The following SYT2 variants were observed in gnomAD, a reference collection of about 807,000 sequenced individuals.
SYT2 encodes synaptotagmin 2.
SYT2 carries 15 observed loss-of-function variants against 39.9 expected under a neutral mutation model. That is an observed-to-expected ratio of 0.38 (90% CI 0.25 to 0.58). The LOEUF (loss-of-function observed/expected upper bound fraction) is 0.58. Among genes scored for constraint, SYT2 ranks in the 20% least tolerant of loss-of-function variants. The probability of loss-of-function intolerance (pLI) is 0.70; values close to 1 mark genes in which losing one functional copy is unlikely to be tolerated. For synonymous variants in SYT2, 181 were observed against 204.5 expected (o/e 0.89, Z 0.98); for missense variants, 389 against 530.3 (o/e 0.73, Z 2.62).
In SYT2 at chr1:202,596,244, C is replaced by T. The variant is rs1321539418; in HGVS notation, c.*513G>A. The stretch of plus-strand genomic sequence containing the variant: ...AAGAGACACACACACACACACATTC[C>T]AGGAATGAAGAGAAATGCTCAAAGA... On this transcript the variant is annotated 3_prime_UTR_variant, in exon 9 of 9. Coordinates refer to ENST00000367268, the MANE Select transcript of SYT2 (RefSeq NM_177402.5). 2 of 140,814 alleles carry T rather than the reference C, an allele frequency of 1.4e-5. No homozygotes were observed. Among genetic ancestry groups the T allele is most frequent in the African/African-American group, 5.2e-5 (2 of 38,210 alleles). The allele number at this position is 140,814 out of a possible 1,614,324, so 8.7% of individuals were successfully genotyped here. A position where few individuals can be genotyped will look rare whatever the true frequency, so the allele number is the denominator to read the frequency against.
chr1:202,709,652 C>T (rs1483157221), intron 1 of SYT2, among the ~76,000 whole-genome samples: 1 of 152,016 alleles, frequency 6.6e-6, no homozygotes, highest in African/African-American at 2.4e-5. Context: ...GGGAGGGGCG[C>T]CTCCAGCCCC....
intron 1 of SYT2, among the ~76,000 whole-genome samples, chr1:202,703,971 A>G (rs1654185304): frequency 6.6e-6 from 1 of 152,242 alleles, no homozygotes; most frequent in Non-Finnish European, 1.5e-5. Flanking sequence ...AAGTCCTGCC[A>G]GAGTTCTCCA....
rs576144310 is a variant in SYT2, at chr1:202,628,484, G to A, written c.-17-22695C>T. On this transcript the variant is annotated intron_variant, in intron 1 of 8. Coordinates refer to ENST00000367268, the MANE Select transcript of SYT2 (RefSeq NM_177402.5). This position sits in a 1 kb window ranked among gnomAD's most constrained non-coding sequence, Gnocchi z 4.2. The stretch of plus-strand genomic sequence containing the variant: ...CTGGCCAGGCCCCAGGGACAGAGAC[G>A]TGCCCATCACTCTTCAGACAGAGAT... Among the ~76,000 whole-genome samples, 3 of 152,286 alleles carry A rather than the reference G, an allele frequency of 2.0e-5. No homozygotes were observed. Among genetic ancestry groups the A allele is most frequent in the South Asian group, 2.1e-4 (1 of 4,820 alleles).
intron 1 of SYT2, among the ~76,000 whole-genome samples, chr1:202,707,752 A>G (rs1382984537): frequency 6.6e-6 from 1 of 152,222 alleles, no homozygotes; most frequent in Non-Finnish European, 1.5e-5. Flanking sequence ...AGGAGACCCC[A>G]TTGAGATATG....
At chr1:202,675,409 T>A (rs908196617) in intron 1 of SYT2, among the ~76,000 whole-genome samples, 2 of 149,542 alleles carry the variant, frequency 1.3e-5, no homozygotes, top group Non-Finnish European at 3.0e-5. Context: ...TATACACAAT[T>A]GAAAATTATG....
rs140594555 is a variant in SYT2, at chr1:202,671,990, C to G, written c.-18+38268G>C. Among the ~76,000 whole-genome samples, 495 of 152,296 alleles carry G rather than the reference C, an allele frequency of 3.3e-3. 1 individual carries two copies. The highest frequency in any genetic ancestry group is 5.6e-3 in the Non-Finnish European group (378 of 68,016). Reference sequence around the variant, plus strand: ...AACTCAGGCACACAAAGAAACAAGACACCTTGAGAAAGAACTGTCAGGAAC... The same window carrying G: ...AACTCAGGCACACAAAGAAACAAGAGACCTTGAGAAAGAACTGTCAGGAAC... On this transcript the variant is annotated intron_variant, in intron 1 of 8. Transcript: ENST00000367268.
rs112535047 is a variant in SYT2, at chr1:202,620,372, C to G, written c.-17-14583G>C. ...GGAGTACTAGTTAACTGCCTCTGGC[C>G]CCCTTTGCTAGGGAGAACAGCCACA... On this transcript the variant is annotated intron_variant, in intron 1 of 8. Transcript: ENST00000367268. 7.3e-3 allele frequency among the ~76,000 whole-genome samples: 1,108 copies of G among 152,226 alleles called. 15 individuals carry two copies. Among genetic ancestry groups the G allele is most frequent in the African/African-American group, 0.025 (1,050 of 41,542 alleles).
intron 1 of SYT2, among the ~76,000 whole-genome samples, chr1:202,666,766 GAGGTCAGGAGTTCA>G (rs1435079805): frequency 6.6e-6 from 1 of 152,208 alleles, no homozygotes; most frequent in Non-Finnish European, 1.5e-5. Flanking sequence ...CGGATCACCT[GAGGTCAGGAGTTCA>G]AGACCAGCCT....
chr1:202,644,613 T>C (rs1558446287), intron 1 of SYT2, among the ~76,000 whole-genome samples: 1 of 152,076 alleles, frequency 6.6e-6, no homozygotes, highest in African/African-American at 2.4e-5. Context: ...AGCTGCTTTC[T>C]GTTTGCCTTC....
At chr1:202,638,299 G>A (rs770095483) in intron 1 of SYT2, among the ~76,000 whole-genome samples, 5 of 151,900 alleles carry the variant, frequency 3.3e-5, no homozygotes, top group Non-Finnish European at 7.4e-5. Context: ...GGAGCAGCAT[G>A]TGGTGAAGAA....
At chr1:202,656,314 G>A (rs564508468) in intron 1 of SYT2, among the ~76,000 whole-genome samples, 7 of 152,310 alleles carry the variant, frequency 4.6e-5, no homozygotes, top group East Asian at 1.9e-4. Flanking sequence ...GAAATTTCCC[G>A]ACTCCAGATC....
intron 1 of SYT2, among the ~76,000 whole-genome samples, chr1:202,613,723 G>A (rs1690953766): frequency 2.0e-5 from 3 of 152,112 alleles, no homozygotes; most frequent in Non-Finnish European, 4.4e-5. Context: ...CCTTTCTGCA[G>A]ACAGCTCCCC....
intron 1 of SYT2, among the ~76,000 whole-genome samples, chr1:202,620,912 C>G (rs754936189): frequency 8.5e-5 from 13 of 152,078 alleles, no homozygotes; most frequent in Non-Finnish European, 1.9e-4. Context: ...GCCCAGATGC[C>G]CTGGAGCTTT....
At chr1:202,653,987 G>T (rs1387381174) in intron 1 of SYT2, among the ~76,000 whole-genome samples, 1 of 152,182 alleles carries the variant, frequency 6.6e-6, no homozygotes, top group Non-Finnish European at 1.5e-5. Context: ...AAAGTCTGAA[G>T]GTGGCCAGTG....
intron 1 of SYT2, among the ~76,000 whole-genome samples, chr1:202,663,218 T>G (rs566697939): frequency 3.9e-5 from 6 of 152,270 alleles, no homozygotes; most frequent in Admixed American, 6.5e-5. Context: ...GCGTTCAATC[T>G]TCTCAGAGGG....
chr1:202,629,844 G>A (rs546526481), intron 1 of SYT2, among the ~76,000 whole-genome samples: 1 of 131,610 alleles, frequency 7.6e-6, no homozygotes, highest in East Asian at 2.5e-4. Flanking sequence ...CCAGCCAAGC[G>A]GCCATACCCA....
chr1:202,690,306 A>G (rs1255478769), intron 1 of SYT2, among the ~76,000 whole-genome samples: 1 of 152,166 alleles, frequency 6.6e-6, no homozygotes, highest in Non-Finnish European at 1.5e-5. Flanking sequence ...TTTCCAAGAA[A>G]AGAGAAATAG....
intron 1 of SYT2, among the ~76,000 whole-genome samples, chr1:202,653,613 G>A (rs184867019): frequency 8.7e-4 from 132 of 152,254 alleles, no homozygotes; most frequent in Non-Finnish European, 9.3e-4. Context: ...AGGGAATGGC[G>A]GTATCTCCAA....
rs376633988 is a variant in SYT2, at chr1:202,608,891, T to C, written c.-17-3102A>G. Among the ~76,000 whole-genome samples the C allele has an allele frequency of 4.6e-5, 7 of 152,302 alleles. No individual in the cohort carries two copies. The East Asian group carries it at 1.2e-3, about 25-fold the overall frequency. ...ATCCCAGACAACACTTATTTTTTTA[T>C]TATACTTTAAATTTTAGGGTACATG... On this transcript the variant is annotated intron_variant, in intron 1 of 8. Coordinates refer to ENST00000367268, the MANE Select transcript of SYT2 (RefSeq NM_177402.5).
Sources: allele counts gnomAD v4.1 joint callset (sites outside exome capture counted in the v4.1 genomes callset), GRCh38; gene constraint gnomAD v4.1.1; non-coding constraint Gnocchi (gnomAD v3.1); transcripts MANE v1.5; gene names NCBI Gene and HGNC (gene_info 2026-07-23, HGNC 2026-07-21).